SEC14L1: variants seen among roughly 807,000 people sequenced by gnomAD.
The protein encoded by SEC14L1 is SEC14-like protein 1.
A neutral mutation model predicts 85.3 loss-of-function variants in SEC14L1; 48 were observed. The ratio of observed to expected loss-of-function variants is 0.56; its 90% confidence interval spans 0.45 to 0.72. The LOEUF is 0.72. Among genes scored for constraint, SEC14L1 ranks in the 30% least tolerant of loss-of-function variants. The probability of loss-of-function intolerance (pLI) is 0.00; values close to 1 mark genes in which losing one functional copy is unlikely to be tolerated. For missense variants in SEC14L1, 682 were observed against 921.4 expected, an observed-to-expected ratio of 0.74 and a Z score of 3.36; for synonymous variants, 391 against 355.5, an observed-to-expected ratio of 1.10 and a Z score of -1.12.
At chr17:77,163,358 T>C (rs1016705954) in intron 3 of SEC14L1, among the ~76,000 whole-genome samples, 7 of 46,478 alleles carry the variant, frequency 1.5e-4, no homozygotes, top group Non-Finnish European at 3.4e-4. Context: ...AACTCCTTGC[T>C]GCTGAAATGA....
intron 3 of SEC14L1, among the ~76,000 whole-genome samples, chr17:77,117,071 G>C (rs1972185588): frequency 6.6e-6 from 1 of 152,232 alleles, no homozygotes; most frequent in South Asian, 2.1e-4. Context: ...TGGAAGGCCG[G>C]GCGCAGTGGC....
chr17:77,181,831 A>C (rs1208487070), intron 3 of SEC14L1, among the ~76,000 whole-genome samples: 1 of 151,574 alleles, frequency 6.6e-6, no homozygotes, highest in Non-Finnish European at 1.5e-5. Flanking sequence ...CTCTGTAAAG[A>C]GCTGTTACTT....
intron 3 of SEC14L1, among the ~76,000 whole-genome samples, chr17:77,180,106 A>T (rs987583098): frequency 6.8e-6 from 1 of 148,008 alleles, no homozygotes; most frequent in Non-Finnish European, 1.5e-5. Context: ...ATGTTACTTT[A>T]TGATGTTATT....
chr17:77,137,790 C>T (rs908188531), upstream of SEC14L1, among the ~76,000 whole-genome samples: 1 of 152,156 alleles, frequency 6.6e-6, no homozygotes, highest in African/African-American at 2.4e-5. Flanking sequence ...TTTATTGTAA[C>T]AAAAGATTGC....
chr17:77,154,755 C>A (rs1046965796), intron 3 of SEC14L1, among the ~76,000 whole-genome samples: 11 of 151,936 alleles, frequency 7.2e-5, no homozygotes, highest in African/African-American at 2.7e-4. Flanking sequence ...AGACATCTGC[C>A]CTGTTTTTCA....
At chr17:77,193,686 T>C in intron 6 of SEC14L1, 137 bp downstream of exon 6, 1 of 884,598 alleles carries the variant, frequency 1.1e-6, no homozygotes, top group Non-Finnish European at 1.7e-6. Context: ...CCCTACCCCC[T>C]GCCTCATCTT....
chr17:77,151,289 G>A (rs1251511235), intron 3 of SEC14L1, among the ~76,000 whole-genome samples: 1 of 152,104 alleles, frequency 6.6e-6, no homozygotes, highest in Admixed American at 6.6e-5. Flanking sequence ...GAATGCCATC[G>A]CGTGAGTCCT....
chr17:77,158,798 C>CTTTTTTTTTTTTTTTTTTTTTTTTTTTTT lies in SEC14L1; in HGVS notation c.63+15144_63+15172dup, dbSNP rs34186028. Reference sequence around the variant, plus strand: ...CAATTACATTTTATAGCTTTCTTTCCTTTTTTTTTTTTTTTTTTTTTTTTT... The same window carrying CTTTTTTTTTTTTTTTTTTTTTTTTTTTTT: ...CAATTACATTTTATAGCTTTCTTTCCTTTTTTTTTTTTTTTTTTTTTTTTTTTTTTTTTTTTTTTTTTTTTTTTTTTTTT... On this transcript the variant is annotated intron_variant, in intron 3 of 16. Transcript: ENST00000436233. 4.1e-4 allele frequency among the ~76,000 whole-genome samples: 16 copies of CTTTTTTTTTTTTTTTTTTTTTTTTTTTTT among 39,240 alleles called. 5 individuals carry two copies. Among genetic ancestry groups the CTTTTTTTTTTTTTTTTTTTTTTTTTTTTT allele is most frequent in the Admixed American group, 7.6e-4 (2 of 2,642 alleles). The allele number at this position is 39,240 out of a possible 152,430, so 25.7% of individuals were successfully genotyped here. A position where few individuals can be genotyped will look rare whatever the true frequency, so the allele number is the denominator to read the frequency against.
chr17:77,092,559 A>G (rs1251641971), intron 2 of SEC14L1, among the ~76,000 whole-genome samples: 1 of 152,198 alleles, frequency 6.6e-6, no homozygotes, highest in Non-Finnish European at 1.5e-5. Context: ...GTTGATAACC[A>G]GGTTGTAGGG....
chr17:77,093,229 T>TC (rs1431941621), intron 2 of SEC14L1: 1 of 152,250 alleles, frequency 6.6e-6, no homozygotes, highest in Non-Finnish European at 1.5e-5. Context: ...CTGATGCATA[T>TC]ACTTTTCTTT....
rs75286228 is a variant in SEC14L1 at position 77,099,968 on chromosome 17, T to A, written c.-136+6621T>A. ...AAACATGTCTTTTTGTTTAAAAAAATTTTTTTTCCCAAAGTAATACATGCA... is the reference window on the plus strand; with the variant it reads ...AAACATGTCTTTTTGTTTAAAAAAAATTTTTTTCCCAAAGTAATACATGCA... On this transcript the variant is annotated intron_variant, in intron 3 of 19. Transcript: ENST00000392476. 1.1e-3 allele frequency among the ~76,000 whole-genome samples: 168 copies of A among 152,226 alleles called. 1 individual carries two copies. The highest frequency in any genetic ancestry group is 6.0e-3 in the East Asian group (31 of 5,182).
At chr17:77,201,671 G>C (rs1040142259) in intron 9 of SEC14L1, among the ~76,000 whole-genome samples, 1 of 152,038 alleles carries the variant, frequency 6.6e-6, no homozygotes, top group Non-Finnish European at 1.5e-5. Context: ...GGCTGGTCTC[G>C]AACTCCTGAC....
At chr17:77,192,657 C>T (rs1975603232) in intron 5 of SEC14L1, among the ~76,000 whole-genome samples, 1 of 151,460 alleles carries the variant, frequency 6.6e-6, no homozygotes, top group African/African-American at 2.4e-5. Flanking sequence ...CTCCCCAACC[C>T]CCAGGCTTTT....
chr17:77,093,406 G>A (rs537130268), intron 3 of SEC14L1: 1 of 152,308 alleles, frequency 6.6e-6, no homozygotes, highest in South Asian at 2.1e-4. Context: ...TTAAGACCCT[G>A]TTGTGTATGG....
intron 3 of SEC14L1, among the ~76,000 whole-genome samples, chr17:77,170,652 C>T (rs748982922): frequency 1.1e-4 from 17 of 152,144 alleles, no homozygotes; most frequent in Admixed American, 5.9e-4. Context: ...TTTTGCGGGG[C>T]TGTTTGGACT....
intron 3 of SEC14L1, among the ~76,000 whole-genome samples, chr17:77,169,071 C>T (rs938609208): frequency 7.8e-6 from 1 of 128,580 alleles, no homozygotes; most frequent in African/African-American, 3.0e-5. Context: ...GACGGAATGC[C>T]AGAGTGAAAG....
intron 3 of SEC14L1, among the ~76,000 whole-genome samples, chr17:77,119,260 A>T (rs1288546135): frequency 6.7e-6 from 1 of 150,002 alleles, no homozygotes; most frequent in Non-Finnish European, 1.5e-5. Context: ...GTGAGCCGAG[A>T]TTGCGCCACT....
intron 3 of SEC14L1, among the ~76,000 whole-genome samples, chr17:77,165,188 T>C (rs1477667264): frequency 6.6e-6 from 1 of 152,210 alleles, no homozygotes; most frequent in African/African-American, 2.4e-5. Flanking sequence ...AATCAATGAA[T>C]TAGATAACTA....
intron 9 of SEC14L1, among the ~76,000 whole-genome samples, chr17:77,202,406 A>G (rs1048935485): frequency 6.6e-6 from 1 of 151,958 alleles, no homozygotes; most frequent in African/African-American, 2.4e-5. Flanking sequence ...ATCACCTGAG[A>G]TCAGGAGTTC....
Sources: gnomAD v4.1 joint callset for allele counts (sites outside exome capture counted in the v4.1 genomes callset) on GRCh38, gnomAD v4.1.1 for gene constraint, MANE v1.5 for transcripts, NCBI Gene and HGNC (gene_info 2026-07-23, HGNC 2026-07-21) for gene names.